Variants in OSBPL10 observed in about 807,000 individuals in gnomAD.
OSBPL10 encodes oxysterol-binding protein-related protein 10.
OSBPL10 carries 49 observed loss-of-function variants against 81.7 expected under a neutral mutation model. That is an observed-to-expected ratio of 0.60 (90% CI 0.48 to 0.76). The LOEUF (loss-of-function observed/expected upper bound fraction) is 0.76. Ranked by LOEUF, OSBPL10 falls within the 30% of genes least tolerant of loss-of-function variation. OSBPL10 has a pLI of 0.00. For missense variants in OSBPL10, 923 were observed against 987.8 expected (o/e 0.93, Z 0.88); for synonymous variants, 419 against 383.6 (o/e 1.09, Z -1.08).
intron 1 of OSBPL10, among the ~76,000 whole-genome samples, chr3:32,070,980 C>T (rs1192167485): frequency 6.6e-6 from 1 of 152,218 alleles, no homozygotes; most frequent in East Asian, 1.9e-4. Flanking sequence ...TTCAGCCAAG[C>T]TTTTTCTCAT....
intron 1 of OSBPL10, among the ~76,000 whole-genome samples, chr3:31,954,927 T>G (rs1201259199): frequency 6.6e-6 from 1 of 152,180 alleles, no homozygotes; most frequent in Non-Finnish European, 1.5e-5. Flanking sequence ...AAAAACTAGG[T>G]ATAATAAAAT....
At chr3:31,978,761 A>T (rs146546475) in intron 1 of OSBPL10, among the ~76,000 whole-genome samples, 27 of 152,330 alleles carry the variant, frequency 1.8e-4, no homozygotes, top group African/African-American at 6.5e-4. Flanking sequence ...GACATCACTT[A>T]AGCATGCTCA....
intron 4 of OSBPL10, among the ~76,000 whole-genome samples, chr3:31,825,878 G>A (rs906344677): frequency 2.0e-5 from 3 of 152,044 alleles, no homozygotes; most frequent in African/African-American, 4.8e-5. Context: ...GATGACTATA[G>A]GGTCCAATGT....
Position 31,684,244 on chromosome 3 carries a change from C to T in OSBPL10, c.1246-130G>A, listed in dbSNP as rs1389640457. ...CCAGCCAGGGAGCAGTCTGTTTTGA[C>T]TTGTGCACACATGACAAACCAAGGG... On this transcript the variant is annotated intron_variant, in intron 7 of 11. Transcript: ENST00000396556. The T allele has an allele frequency of 5.6e-6, 7 of 1,243,010 alleles. No individual in the cohort carries two copies. The African/African-American group carries it at 9.1e-5, about 16-fold the overall frequency. 77.0% of individuals were successfully genotyped at this position (1,243,010 alleles called of 1,614,324 possible). A position where few individuals can be genotyped will look rare whatever the true frequency, so the allele number is the denominator to read the frequency against.
chr3:31,722,321 CTT>C (rs1696670565), intron 6 of OSBPL10, among the ~76,000 whole-genome samples: 1 of 152,136 alleles, frequency 6.6e-6, no homozygotes, highest in Middle Eastern at 3.2e-3. Context: ...TTTATAAAGG[CTT>C]CTCATAAGCC....
intron 4 of OSBPL10, among the ~76,000 whole-genome samples, chr3:31,749,290 C>T (rs1033556949): frequency 6.6e-6 from 1 of 152,186 alleles, no homozygotes; most frequent in Non-Finnish European, 1.5e-5. Flanking sequence ...GAAACAAATA[C>T]CTGCTATCGG....
intron 2 of OSBPL10, among the ~76,000 whole-genome samples, chr3:32,003,296 G>A (rs1241770592): frequency 3.3e-5 from 5 of 152,196 alleles, no homozygotes. Context: ...TCATTAGCGT[G>A]GTCTTCCTAT....
At chr3:31,753,936 C>A (rs1902343) in intron 4 of OSBPL10, among the ~76,000 whole-genome samples, 37,361 of 151,954 alleles carry the variant, frequency 0.25, 5,507 homozygotes, top group Middle Eastern at 0.36. Context: ...GTTTTATTAA[C>A]AAATTGTAAG....
At chr3:32,073,866 TC>T (rs1699853147) in intron 1 of OSBPL10, among the ~76,000 whole-genome samples, 1 of 152,152 alleles carries the variant, frequency 6.6e-6, no homozygotes, top group Non-Finnish European at 1.5e-5. Context: ...GGATAGATGA[TC>T]TTTTCTGACA....
chr3:31,938,558 G>C (rs1697446769), intron 1 of OSBPL10, among the ~76,000 whole-genome samples: 1 of 152,122 alleles, frequency 6.6e-6, no homozygotes, highest in Non-Finnish European at 1.5e-5. Context: ...GCCCAGGCTG[G>C]AGTGCAGTGG....
intron 4 of OSBPL10, 89 bp downstream of exon 4, chr3:31,829,951 A>C: frequency 7.6e-7 from 1 of 1,313,662 alleles, no homozygotes. Flanking sequence ...ATAAATCAAG[A>C]CGGCGCAAAG....
At chr3:32,058,613 C>T (rs747068141) in intron 1 of OSBPL10, among the ~76,000 whole-genome samples, 5 of 152,288 alleles carry the variant, frequency 3.3e-5, no homozygotes, top group Non-Finnish European at 7.4e-5. Flanking sequence ...AGGCATGAGC[C>T]ACCCCACCCA....
intron 2 of OSBPL10, among the ~76,000 whole-genome samples, chr3:32,039,423 G>A (rs983533733): frequency 2.0e-5 from 3 of 151,522 alleles, no homozygotes; most frequent in African/African-American, 2.4e-5. Context: ...TTGGGAGGCC[G>A]AGGCGGGCAG....
chr3:31,993,899 C>G (rs966329128), intron 2 of OSBPL10, among the ~76,000 whole-genome samples: 2 of 150,684 alleles, frequency 1.3e-5, no homozygotes, highest in Non-Finnish European at 3.0e-5. Context: ...TATGTTTGTA[C>G]AAAAAAAAAC....
intron 4 of OSBPL10, among the ~76,000 whole-genome samples, chr3:31,801,816 TC>T (rs1338630795): frequency 2.7e-5 from 4 of 150,508 alleles, no homozygotes; most frequent in Non-Finnish European, 4.4e-5. Flanking sequence ...CTGATTTCTT[TC>T]TTTTTTTGTT....
At chr3:31,845,822 G>C (rs965114261) in intron 3 of OSBPL10, among the ~76,000 whole-genome samples, 2 of 152,140 alleles carry the variant, frequency 1.3e-5, no homozygotes, top group African/African-American at 4.8e-5. Flanking sequence ...ATTTACAGCA[G>C]GGCAGGCTCT....
intron 3 of OSBPL10, among the ~76,000 whole-genome samples, chr3:31,861,430 T>C (rs1701055099): frequency 6.6e-6 from 1 of 152,224 alleles, no homozygotes; most frequent in African/African-American, 2.4e-5. Context: ...TACAAAATAA[T>C]GACAAGATTA....
At chr3:31,834,635 C>T (rs1397990731) in intron 3 of OSBPL10, among the ~76,000 whole-genome samples, 1 of 152,144 alleles carries the variant, frequency 6.6e-6, no homozygotes, top group Non-Finnish European at 1.5e-5. Context: ...ATCTACTGGC[C>T]AAAACTGCCA....
chr3:31,674,400 T>A (rs76524224), intron 8 of OSBPL10, among the ~76,000 whole-genome samples: 23,347 of 151,012 alleles, frequency 0.15, 2,139 homozygotes, highest in East Asian at 0.25. Context: ...TAAAAAAATT[T>A]TAAAAAAAAA....
Sources: gnomAD v4.1 joint callset for allele counts (sites outside exome capture counted in the v4.1 genomes callset) on GRCh38, gnomAD v4.1.1 for gene constraint, MANE v1.5 for transcripts, NCBI Gene and HGNC (gene_info 2026-07-23, HGNC 2026-07-21) for gene names.